Variants in EXOC2 observed in about 807,000 individuals in gnomAD.
EXOC2 encodes the protein exocyst complex component 2, also known as SEC5-like 1.
In EXOC2, 70 loss-of-function variants were observed where a neutral mutation model predicts 131.8. That is an observed-to-expected ratio of 0.53 (90% CI 0.44 to 0.65). The LOEUF is 0.65. Among genes scored for constraint, EXOC2 ranks in the 30% least tolerant of loss-of-function variants. The probability of loss-of-function intolerance (pLI) is 0.00; values close to 1 mark genes in which losing one functional copy is unlikely to be tolerated. For missense variants in EXOC2, 923 were observed against 1,108.6 expected (o/e 0.83, Z 2.38); for synonymous variants, 411 against 398.4 (o/e 1.03, Z -0.38).
At chr6:606,476 A>T (rs1339818792) in intron 7 of EXOC2, among the ~76,000 whole-genome samples, 1 of 152,226 alleles carries the variant, frequency 6.6e-6, no homozygotes, top group Non-Finnish European at 1.5e-5. Flanking sequence ...CATCAGAAAC[A>T]TTTAAAATTA....
At chr6:490,347 T>G (rs1254317458) in intron 26 of EXOC2, among the ~76,000 whole-genome samples, 7 of 152,192 alleles carry the variant, frequency 4.6e-5, no homozygotes, top group Non-Finnish European at 1.0e-4. Context: ...CCTGTTAGTA[T>G]GTTGTACAGA....
At chr6:488,881 TC>T in intron 27 of EXOC2, 97 bp downstream of exon 27, 2 of 1,282,678 alleles carry the variant, frequency 1.6e-6, no homozygotes, top group Non-Finnish European at 2.2e-6. Context: ...ATTCTGCTCT[TC>T]CTAGAATCCA....
At chr6:675,519 A>G (rs368200807) in intron 1 of EXOC2, among the ~76,000 whole-genome samples, 41 of 141,466 alleles carry the variant, frequency 2.9e-4, no homozygotes, top group Admixed American at 1.2e-3. Context: ...TCAACATTAC[A>G]GAAAGGACAG....
At chr6:638,796 G>C (rs1418420664) in intron 1 of EXOC2, among the ~76,000 whole-genome samples, 1 of 152,144 alleles carries the variant, frequency 6.6e-6, no homozygotes, top group African/African-American at 2.4e-5. Context: ...CGACGTGGTG[G>C]TGCACGCCTG....
intron 21 of EXOC2, among the ~76,000 whole-genome samples, chr6:549,887 C>T (rs1374868273): frequency 1.3e-5 from 2 of 152,180 alleles, no homozygotes; most frequent in African/African-American, 2.4e-5. Context: ...TGGAGGACTC[C>T]ACCTTAGGAC....
At chr6:525,523 T>C (rs1190293159) in intron 23 of EXOC2, 3 of 152,210 alleles carry the variant, frequency 2.0e-5, no homozygotes, top group Admixed American at 6.5e-5. Context: ...ATGTATGCCA[T>C]TTCTCTATCA....
At chr6:657,276 C>T (rs1763177567) in intron 1 of EXOC2, 4 of 227,934 alleles carry the variant, frequency 1.8e-5, no homozygotes, top group Admixed American at 1.7e-4. Context: ...ACAAAATCAT[C>T]ACTCAGATAA....
intron 17 of EXOC2, among the ~76,000 whole-genome samples, chr6:560,439 C>T (rs577443133): frequency 2.0e-5 from 3 of 152,246 alleles, no homozygotes; most frequent in East Asian, 1.9e-4. Context: ...TTAGATTTAC[C>T]GGTAATCACA....
At chr6:537,177 TTGACGACCGACGGAGCGTACACTCGAGA>T (rs1561829914) in intron 22 of EXOC2, among the ~76,000 whole-genome samples, 1 of 145,778 alleles carries the variant, frequency 6.9e-6, no homozygotes, top group African/African-American at 2.6e-5. Flanking sequence ...TACACTTGAG[TTGACGACCGACGGAGCGTACACTCGAGA>T]TGACGACCGA....
chr6:595,814 T>C (rs1374444815), intron 10 of EXOC2, among the ~76,000 whole-genome samples: 1 of 152,098 alleles, frequency 6.6e-6, no homozygotes, highest in African/African-American at 2.4e-5. Context: ...TCCTGGACAC[T>C]ACGCTCAACC....
At position 532,486 on chromosome 6, in the gene EXOC2, T is replaced by C. The variant is rs201407807; in HGVS notation, c.2363A>G (p.Asp788Gly). ...TTACTTACCTGTTGGAGGCAGGCAG[T>C]CCTTCCAATCAAAATATCCTGCATA... The part of the protein sequence containing the change: ...GIYAGYFDWK[D>G]CLPPTGVRNY... Residue 788 changes from aspartate (D) to glycine (G), a missense_variant, in exon 23 of 28, where the codon GAC becomes GGC. By Grantham distance (94) the Asp-to-Gly change is moderately conservative. Transcript: ENST00000230449. The C allele has an allele frequency of 8.1e-6, 13 of 1,599,786 alleles. 1 individual carries two copies. Among genetic ancestry groups the C allele is most frequent in the Non-Finnish European group, 8.5e-7 (1 of 1,175,652 alleles).
At chr6:507,105 C>A (rs1764584036) in intron 23 of EXOC2, among the ~76,000 whole-genome samples, 1 of 143,276 alleles carries the variant, frequency 7.0e-6, no homozygotes, top group Non-Finnish European at 1.5e-5. Context: ...CACACACACA[C>A]ACAGCAGTGA....
intron 21 of EXOC2, 81 bp downstream of exon 21, chr6:553,773 C>T: frequency 8.8e-7 from 1 of 1,137,398 alleles, no homozygotes; most frequent in Non-Finnish European, 1.3e-6. Context: ...AGCAAGGATG[C>T]AGGAACACAG....
In EXOC2 at chr6:486,687, G is replaced by A; in HGVS notation, c.2759C>T (p.Thr920Ile). The A allele has an allele frequency of 6.2e-7, 1 of 1,614,010 alleles. No homozygotes were observed. Among genetic ancestry groups the A allele is most frequent in the Non-Finnish European group, 8.5e-7 (1 of 1,179,942 alleles). ...GGCAGATATTTATGTTTTCATCATG[G>A]TTGAAGAAGCTGCTTGGAAACAGGT... ...QLTCFQAASS[T>I]MMKT The change falls in exon 28 of 28, where the codon ACC becomes ATC. Residue 920 changes from threonine to isoleucine, a missense_variant. Physicochemically the swap from Thr to Ile is moderately conservative, Grantham distance 89. Transcript: ENST00000230449.
intron 1 of EXOC2, among the ~76,000 whole-genome samples, chr6:664,768 C>T (rs987261287): frequency 2.0e-5 from 3 of 152,198 alleles, no homozygotes; most frequent in Non-Finnish European, 4.4e-5. Flanking sequence ...CCTCGTCTCT[C>T]ACCTTATACA....
In EXOC2 at chr6:572,509, C is replaced by T. The variant is rs1758341568; in HGVS notation, c.1443+11G>A. On this transcript the variant is annotated intron_variant, in intron 13 of 27. Transcript: ENST00000230449. The stretch of plus-strand genomic sequence containing the variant: ...ACTCAGCTCCACCTCTAGCCGAGTC[C>T]GTATACACACCTCACTGAAGAGGCT... The T allele has an allele frequency of 6.8e-6, 11 of 1,609,386 alleles. No individual in the cohort carries two copies. Among genetic ancestry groups the T allele is most frequent in the South Asian group, 2.2e-5 (2 of 90,170 alleles).
intron 25 of EXOC2, among the ~76,000 whole-genome samples, chr6:492,999 T>C (rs577538557): frequency 6.6e-6 from 1 of 152,364 alleles, no homozygotes; most frequent in African/African-American, 2.4e-5. Flanking sequence ...GTCAGTTTCC[T>C]GGGAGCTCCA....
chr6:542,591 A>C (rs1419918273), intron 22 of EXOC2, among the ~76,000 whole-genome samples: 1 of 152,228 alleles, frequency 6.6e-6, no homozygotes, highest in African/African-American at 2.4e-5. Flanking sequence ...GGAAGAAATA[A>C]AAAAGCTGAA....
chr6:508,522 C>T (rs1294287033), intron 23 of EXOC2, among the ~76,000 whole-genome samples: 3 of 152,154 alleles, frequency 2.0e-5, no homozygotes, highest in African/African-American at 4.8e-5. Context: ...TACAGAGTGT[C>T]GTATAGTTGG....
Sources: gnomAD v4.1 joint callset for allele counts (sites outside exome capture counted in the v4.1 genomes callset) on GRCh38, gnomAD v4.1.1 for gene constraint, MANE v1.5 for transcripts, NCBI Gene and HGNC (gene_info 2026-07-23, HGNC 2026-07-21) for gene names.